SDK1: variants seen among roughly 807,000 people sequenced by gnomAD.
SDK1 encodes the protein protein sidekick-1.
SDK1 carries 157 observed loss-of-function variants against 245.5 expected under a neutral mutation model. The ratio of observed to expected loss-of-function variants is 0.64; its 90% confidence interval spans 0.56 to 0.73. SDK1 has a LOEUF of 0.73. Among genes scored for constraint, SDK1 ranks in the 30% least tolerant of loss-of-function variants. The pLI, the probability that SDK1 is intolerant of heterozygous loss-of-function variation, is 0.00. For missense variants in SDK1, 3,583 were observed against 3,002.3 expected, an observed-to-expected ratio of 1.19 and a Z score of -4.52; for synonymous variants, 1,647 against 1,278.5, an observed-to-expected ratio of 1.29 and a Z score of -6.15.
intron 1 of SDK1, among the ~76,000 whole-genome samples, chr7:3,558,552 A>G (rs558872378): frequency 6.6e-6 from 1 of 152,202 alleles, no homozygotes; most frequent in Non-Finnish European, 1.5e-5. Context: ...GGCCTGGTAC[A>G]GGCCATGTGG....
intron 9 of SDK1, among the ~76,000 whole-genome samples, chr7:3,966,427 C>G (rs921441841): frequency 6.6e-6 from 1 of 152,076 alleles, no homozygotes; most frequent in African/African-American, 2.4e-5. Flanking sequence ...TTGGGTAGCA[C>G]AGAGTTAGGC....
At chr7:3,695,708 T>G (rs1187864611) in intron 4 of SDK1, among the ~76,000 whole-genome samples, 1 of 152,212 alleles carries the variant, frequency 6.6e-6, no homozygotes, top group South Asian at 2.1e-4. Context: ...ATTTATATCA[T>G]GTGTACATTT....
intron 4 of SDK1, among the ~76,000 whole-genome samples, chr7:3,644,517 C>T (rs994991992): frequency 6.6e-6 from 1 of 151,186 alleles, no homozygotes; most frequent in African/African-American, 2.4e-5. Context: ...GTAATCTCGG[C>T]ACTTTAGGAT....
At position 3,838,127 on chromosome 7, in the gene SDK1, A is replaced by T. The variant is rs559261520; in HGVS notation, c.847+16544A>T. On this transcript the variant is annotated intron_variant, in intron 5 of 44. Transcript: ENST00000404826. ...GTCATTTGCCAGGCTGTTGCATTGC[A>T]TGCATTCATGGTCTATAGTAGTCTG... 3.8e-4 allele frequency among the ~76,000 whole-genome samples: 58 copies of T among 152,336 alleles called. No individual in the cohort carries two copies. In the South Asian group the frequency reaches 0.011, roughly 29 times the overall value.
At position 4,267,181 on chromosome 7, in the gene SDK1, TTCCTTCCCC is replaced by T. The variant is rs992486016; in HGVS notation, c.*1805_*1813del. ...CAAGTTTCCTTTTTTCTCTCCTCCC[TTCCTTCCCC>T]TCCTTCCTTTCCTTTACCCCTCCTT... On this transcript the variant is annotated 3_prime_UTR_variant, in exon 45 of 45. Transcript: ENST00000404826. 1.0e-6 allele frequency: 1 copy of T among 973,428 alleles called. No homozygotes were observed. The highest frequency in any genetic ancestry group is 1.2e-6 in the Non-Finnish European group (1 of 819,240). 60.3% of individuals were successfully genotyped at this position (973,428 alleles called of 1,614,324 possible).
chr7:3,921,225 G>T (rs191376731), intron 5 of SDK1, among the ~76,000 whole-genome samples: 2 of 152,108 alleles, frequency 1.3e-5, no homozygotes, highest in East Asian at 1.9e-4. Context: ...TTAGCAAAAT[G>T]AGATCATACA....
At chr7:4,177,253 C>T (rs1465236814) in intron 34 of SDK1, among the ~76,000 whole-genome samples, 1 of 152,166 alleles carries the variant, frequency 6.6e-6, no homozygotes, top group Non-Finnish European at 1.5e-5. Context: ...TTTGCAGGCC[C>T]AAGCACACCA....
intron 5 of SDK1, among the ~76,000 whole-genome samples, chr7:3,903,587 G>T (rs959075125): frequency 6.6e-6 from 1 of 152,180 alleles, no homozygotes; most frequent in Non-Finnish European, 1.5e-5. Context: ...GTTAAATACA[G>T]AGTTACTATA....
intron 1 of SDK1, among the ~76,000 whole-genome samples, chr7:3,419,409 C>G (rs1002371387): frequency 3.6e-4 from 55 of 152,248 alleles, no homozygotes; most frequent in African/African-American, 1.1e-3. Flanking sequence ...TGTTCTCCTC[C>G]CTGACACTAG....
intron 1 of SDK1, among the ~76,000 whole-genome samples, chr7:3,532,792 A>G (rs1183800874): frequency 2.0e-5 from 3 of 152,184 alleles, no homozygotes; most frequent in African/African-American, 7.2e-5. Context: ...TCTAGTTTAC[A>G]GCCTATGCAG....
chr7:3,922,621 C>A (rs1169863646), intron 5 of SDK1, among the ~76,000 whole-genome samples: 1 of 152,148 alleles, frequency 6.6e-6, no homozygotes, highest in Non-Finnish European at 1.5e-5. Context: ...GAGAAGAAAT[C>A]TAGTTTTGGG....
At chr7:4,105,819 G>A (rs1217846001) in intron 22 of SDK1, among the ~76,000 whole-genome samples, 1 of 152,206 alleles carries the variant, frequency 6.6e-6, no homozygotes, top group Non-Finnish European at 1.5e-5. Context: ...AGGAGGGGTG[G>A]AAGGAGCAGA....
chr7:3,953,208 G>A (rs542531900), intron 7 of SDK1, among the ~76,000 whole-genome samples: 1 of 151,040 alleles, frequency 6.6e-6, no homozygotes, highest in South Asian at 2.1e-4. Context: ...TATGAAACTA[G>A]CAAGAAAAGG....
At chr7:3,974,231 C>T in intron 12 of SDK1, 138 bp from the exon 13 acceptor site, 1 of 583,424 alleles carries the variant, frequency 1.7e-6, no homozygotes, top group Non-Finnish European at 2.9e-6. Context: ...AAAAATCACT[C>T]TTTTAAAGAG....
intron 4 of SDK1, among the ~76,000 whole-genome samples, chr7:3,807,678 C>T (rs373173902): frequency 2.0e-5 from 3 of 152,120 alleles, no homozygotes; most frequent in African/African-American, 7.2e-5. Flanking sequence ...GGCATGTTGT[C>T]TCACTGGGTC....
intron 4 of SDK1, among the ~76,000 whole-genome samples, chr7:3,790,795 G>A (rs1372968116): frequency 5.3e-5 from 8 of 152,174 alleles, no homozygotes; most frequent in Admixed American, 2.6e-4. Flanking sequence ...CGAAACTGTC[G>A]CCAAAAACAC....
At chr7:3,306,796 G>C (rs541946971) in intron 1 of SDK1, among the ~76,000 whole-genome samples, 1 of 152,292 alleles carries the variant, frequency 6.6e-6, no homozygotes, top group South Asian at 2.1e-4. Context: ...GCAGAGGTGT[G>C]TGGCATGTAG....
chr7:3,670,475 G>A (rs1032921615), intron 4 of SDK1, among the ~76,000 whole-genome samples: 1 of 152,146 alleles, frequency 6.6e-6, no homozygotes, highest in Non-Finnish European at 1.5e-5. Context: ...TTTATTAATG[G>A]ACAAGTTCTT....
At position 3,661,283 on chromosome 7, in the gene SDK1, A is replaced by G. The variant is rs575626669; in HGVS notation, c.713+19178A>G. On this transcript the variant is annotated intron_variant, in intron 4 of 44. Coordinates refer to ENST00000404826, the MANE Select transcript of SDK1 (RefSeq NM_152744.4). ...AACCATGGTTTGGTTTGAATCTGCT[A>G]TGTATGGATTAACATTGCTGGATTA... Among the ~76,000 whole-genome samples the G allele has an allele frequency of 4.6e-5, 7 of 152,354 alleles. No individual in the cohort carries two copies. The East Asian group carries it at 9.6e-4, about 21-fold the overall frequency.
Sources: allele counts gnomAD v4.1 joint callset (sites outside exome capture counted in the v4.1 genomes callset), GRCh38; gene constraint gnomAD v4.1.1; transcripts MANE v1.5; gene names NCBI Gene and HGNC (gene_info 2026-07-23, HGNC 2026-07-21).